The following RNF170 variants were observed in gnomAD, a reference collection of about 807,000 sequenced individuals.
RNF170 encodes the protein ring finger protein 170, also known as E3 ubiquitin-protein ligase RNF170.
A neutral mutation model predicts 32.7 loss-of-function variants in RNF170; 12 were observed. The ratio of observed to expected loss-of-function variants is 0.37; its 90% confidence interval spans 0.24 to 0.60. The LOEUF (loss-of-function observed/expected upper bound fraction) is 0.60, where lower values mean the gene tolerates loss of function less well. RNF170 is among the 20% of genes least tolerant of loss of function. The probability of loss-of-function intolerance (pLI) is 0.72; values close to 1 mark genes in which losing one functional copy is unlikely to be tolerated. For missense variants in RNF170, 212 were observed against 311.2 expected (o/e 0.68, Z 2.40); for synonymous variants, 91 against 103.6 (o/e 0.88, Z 0.74).
At chr8:42,860,786 C>T (rs1333536130) in intron 6 of RNF170, among the ~76,000 whole-genome samples, 3 of 151,722 alleles carry the variant, frequency 2.0e-5, no homozygotes, top group Admixed American at 6.6e-5. Context: ...GGCGTGATAT[C>T]GGCTCACTGC....
chr8:42,870,279 T>G (rs1372256575), intron 3 of RNF170, among the ~76,000 whole-genome samples, 167 bp from the exon 4 acceptor site: 1 of 152,226 alleles, frequency 6.6e-6, no homozygotes, highest in Non-Finnish European at 1.5e-5. Flanking sequence ...GAGGCTATAT[T>G]GTTTTTATTT....
downstream of RNF170, chr8:42,851,071 A>G: frequency 3.3e-6 from 5 of 1,533,536 alleles, no homozygotes; most frequent in Non-Finnish European, 4.4e-6. Context: ...GTAAATCCAA[A>G]TCAACAGCCT....
intron 4 of RNF170, among the ~76,000 whole-genome samples, chr8:42,867,372 G>A (rs753365722): frequency 1.3e-5 from 2 of 149,108 alleles, no homozygotes; most frequent in Admixed American, 6.8e-5. Flanking sequence ...TTGGGAGGTT[G>A]ATGCAGGAGA....
chr8:42,864,786 T>C (rs533499866), intron 5 of RNF170, among the ~76,000 whole-genome samples: 2 of 55,324 alleles, frequency 3.6e-5, no homozygotes, highest in Non-Finnish European at 6.6e-5. Flanking sequence ...AAATATACAT[T>C]GAGAAGGAAA....
At chr8:42,859,773 C>T (rs1563658827) in intron 6 of RNF170, among the ~76,000 whole-genome samples, 1 of 152,148 alleles carries the variant, frequency 6.6e-6, no homozygotes, top group Non-Finnish European at 1.5e-5. Flanking sequence ...CTCAGCCTCC[C>T]AAGTAGCTGA....
intron 3 of RNF170, among the ~76,000 whole-genome samples, chr8:42,873,309 C>G (rs951105146): frequency 6.9e-6 from 1 of 145,760 alleles, no homozygotes; most frequent in Non-Finnish European, 1.5e-5. Context: ...AAAAAAAAAA[C>G]GCTTATTGGA....
At chr8:42,869,540 G>T (rs561717669) in intron 4 of RNF170, among the ~76,000 whole-genome samples, 13 of 152,320 alleles carry the variant, frequency 8.5e-5, no homozygotes, top group African/African-American at 3.1e-4. Flanking sequence ...AGACCTTTAA[G>T]ACTTTTAGTA....
chr8:42,871,721 G>A (rs1229950346), intron 3 of RNF170, among the ~76,000 whole-genome samples: 1 of 152,046 alleles, frequency 6.6e-6, no homozygotes, highest in East Asian at 1.9e-4. Flanking sequence ...ACAAGCACCT[G>A]GCTAAAGTTG....
intron 2 of RNF170, among the ~76,000 whole-genome samples, chr8:42,874,901 G>A (rs1804795830): frequency 6.6e-6 from 1 of 152,184 alleles, no homozygotes; most frequent in African/African-American, 2.4e-5. Context: ...GCTGGGCACG[G>A]TGGCTCATGC....
At chr8:42,872,653 G>A (rs1804610802) in intron 3 of RNF170, among the ~76,000 whole-genome samples, 1 of 152,042 alleles carries the variant, frequency 6.6e-6, no homozygotes. Flanking sequence ...ATATTGGCCA[G>A]GATGGTCTTG....
rs1299660435 is a variant in RNF170, at chr8:42,853,800, A to T, written c.*2359T>A. On this transcript the variant is annotated 3_prime_UTR_variant, in exon 7 of 7. Coordinates refer to ENST00000527424, the MANE Select transcript of RNF170 (RefSeq NM_030954.4). The stretch of plus-strand genomic sequence containing the variant: ...GTCTAAAGTTCTGAGATGTTAGCAC[A>T]TACCCTTTTCACAATTTAGGAAGCT... 2 of 1,287,104 alleles carry T rather than the reference A, an allele frequency of 1.6e-6. No individual in the cohort carries two copies. Among genetic ancestry groups the T allele is most frequent in the African/African-American group, 1.5e-5 (1 of 65,802 alleles). The allele number at this position is 1,287,104 out of a possible 1,614,324, so 79.7% of individuals were successfully genotyped here. A position where few individuals can be genotyped will look rare whatever the true frequency, so the allele number is the denominator to read the frequency against.
intron 2 of RNF170, among the ~76,000 whole-genome samples, chr8:42,877,645 G>C (rs977378237): frequency 3.2e-4 from 49 of 151,902 alleles, no homozygotes; most frequent in African/African-American, 1.1e-3. Context: ...TGCATCAAAG[G>C]GCCAAACTTA....
rs1804823661 is a variant in RNF170, at chr8:42,875,132, T to C, written c.138-1126A>G. ...GTTGCGGTGATCTGAGATCACGCCA[T>C]TGCACTCCAGCCTGGGCAACAAGAG... On this transcript the variant is annotated intron_variant, in intron 2 of 6. Transcript: ENST00000527424. 2.0e-5 allele frequency among the ~76,000 whole-genome samples: 3 copies of C among 150,760 alleles called. No homozygotes were observed. The South Asian group carries it at 6.3e-4, about 32-fold the overall frequency.
chr8:42,851,834 T>C (rs964622448), downstream of RNF170, among the ~76,000 whole-genome samples: 3 of 152,178 alleles, frequency 2.0e-5, no homozygotes, highest in Non-Finnish European at 2.9e-5. Flanking sequence ...GGTCTCACTA[T>C]GTTGCTCAGA....
At position 42,886,725 on chromosome 8, in the gene RNF170, C is replaced by A. The variant is rs117644920; in HGVS notation, c.137+1003G>T. On this transcript the variant is annotated intron_variant, in intron 2 of 6. Coordinates refer to ENST00000527424, the MANE Select transcript of RNF170 (RefSeq NM_030954.4). ...TACCGGCGTGAGCCACCACATCCAG[C>A]CTAAATTAATTTTAGAATCAGGTGC... 1.4e-3 allele frequency among the ~76,000 whole-genome samples: 220 copies of A among 152,284 alleles called. 2 individuals are homozygous for A. The highest frequency in any genetic ancestry group is 9.4e-3 in the Admixed American group (143 of 15,290).
chr8:42,861,987 TG>T, intron 5 of RNF170, 132 bp from the exon 6 acceptor site: 1 of 947,214 alleles, frequency 1.1e-6, no homozygotes, highest in Non-Finnish European at 1.5e-6. Context: ...AAAGGCAACC[TG>T]GGGGAGGGGA....
Position 42,853,805 on chromosome 8 carries a change from C to G in RNF170, c.*2354G>C. 2 of 1,287,136 alleles carry G rather than the reference C, an allele frequency of 1.6e-6. No individual in the cohort carries two copies. The highest frequency in any genetic ancestry group is 2.0e-6 in the Non-Finnish European group (2 of 988,670). 79.7% of individuals were successfully genotyped at this position (1,287,136 alleles called of 1,614,324 possible). A position where few individuals can be genotyped will look rare whatever the true frequency, so the allele number is the denominator to read the frequency against. On this transcript the variant is annotated 3_prime_UTR_variant, in exon 7 of 7. Coordinates refer to ENST00000527424, the MANE Select transcript of RNF170 (RefSeq NM_030954.4). ...AAGTTCTGAGATGTTAGCACATACC[C>G]TTTTCACAATTTAGGAAGCTTTAAG...
downstream of RNF170, among the ~76,000 whole-genome samples, chr8:42,852,956 CT>C (rs76276558): frequency 0.13 from 17,878 of 138,780 alleles, 1,634 homozygotes; most frequent in African/African-American, 0.25. Flanking sequence ...TATCTACAAA[CT>C]TTTTTTTTTT....
chr8:42,867,215 T>C, intron 4 of RNF170, among the ~76,000 whole-genome samples: 1 of 152,174 alleles, frequency 6.6e-6, no homozygotes, highest in Non-Finnish European at 1.5e-5. Flanking sequence ...CTCACGCCTG[T>C]AATCCCAGCA....
Sources: allele counts gnomAD v4.1 joint callset (sites outside exome capture counted in the v4.1 genomes callset), GRCh38; gene constraint gnomAD v4.1.1; transcripts MANE v1.5; gene names NCBI Gene and HGNC (gene_info 2026-07-23, HGNC 2026-07-21).